SYN3: variants seen among roughly 807,000 people sequenced by gnomAD.
SYN3 encodes the protein synapsin III.
SYN3 carries 35 observed loss-of-function variants against 65.8 expected under a neutral mutation model. The observed-to-expected ratio is 0.53, with a 90% CI of 0.41 to 0.70. SYN3 has a LOEUF of 0.70. Among genes scored for constraint, SYN3 ranks in the 30% least tolerant of loss-of-function variants. The pLI, the probability that SYN3 is intolerant of heterozygous loss-of-function variation, is 0.00. For missense variants in SYN3, 680 were observed against 749.0 expected (o/e 0.91, Z 1.08); for synonymous variants, 270 against 292.9 (o/e 0.92, Z 0.80).
intron 6 of SYN3, among the ~76,000 whole-genome samples, chr22:32,823,284 G>A (rs1177842320): frequency 6.6e-6 from 1 of 152,160 alleles, no homozygotes; most frequent in Non-Finnish European, 1.5e-5. Flanking sequence ...CGGACCTGAC[G>A]CTGGAAATCC....
chr22:32,997,462 G>A (rs1223259514), intron 2 of SYN3, among the ~76,000 whole-genome samples: 3 of 152,046 alleles, frequency 2.0e-5, no homozygotes, highest in African/African-American at 4.8e-5. Flanking sequence ...TTCCTTTTAC[G>A]ACATGAGTCC....
chr22:32,868,444 C>T (rs541716367), intron 5 of SYN3, among the ~76,000 whole-genome samples: 1 of 151,566 alleles, frequency 6.6e-6, no homozygotes, highest in East Asian at 1.9e-4. Flanking sequence ...TTATTTATTA[C>T]AAAACTTTTT....
rs1048530242 is a variant in SYN3 at position 33,044,424 on chromosome 22, A to G, written c.-163+13868T>C. ...CTGTTAATAACTGAGGAGCTGATGA[A>G]TTGCTTCAATCACTTTAGACTCACA... On this transcript the variant is annotated intron_variant, in intron 1 of 13. Coordinates refer to ENST00000358763, the MANE Select transcript of SYN3 (RefSeq NM_003490.4). Among the ~76,000 whole-genome samples the G allele has an allele frequency of 6.6e-5, 10 of 152,240 alleles. 1 individual carries two copies. The Middle Eastern group carries it at 0.01, about 155-fold the overall frequency.
At position 32,668,802 on chromosome 22, in the gene SYN3, T is replaced by C. The variant is rs1236906387; in HGVS notation, c.712-72066A>G. Among the ~76,000 whole-genome samples the C allele has an allele frequency of 4.6e-5, 7 of 152,310 alleles. No individual in the cohort carries two copies. In the East Asian group the frequency reaches 1.4e-3, roughly 29 times the overall value. On this transcript the variant is annotated intron_variant, in intron 6 of 13. Transcript: ENST00000358763. The stretch of plus-strand genomic sequence containing the variant: ...CATTGTCCCCGTGCACTCCTGGACC[T>C]GCCATCTGCCCCATGAAAGGCCCCA...
intron 6 of SYN3, among the ~76,000 whole-genome samples, chr22:32,820,732 A>G (rs1412391195): frequency 6.6e-6 from 1 of 152,078 alleles, no homozygotes; most frequent in Non-Finnish European, 1.5e-5. Context: ...GGGGCTTGGG[A>G]TATGTTTTAG....
chr22:32,566,363 A>T (rs2058672374), intron 7 of SYN3, among the ~76,000 whole-genome samples: 1 of 152,078 alleles, frequency 6.6e-6, no homozygotes. Flanking sequence ...AGATGGAGGG[A>T]TCTGTGGACA....
At chr22:32,860,435 G>A (rs1174977870) in intron 6 of SYN3, 1 of 152,618 alleles carries the variant, frequency 6.6e-6, no homozygotes, top group Non-Finnish European at 1.5e-5. Flanking sequence ...ACAGGACACA[G>A]AATTCTGTTC....
chr22:33,036,678 CTTTTTTTTTTTTTTTTTTT>C (rs133977), intron 1 of SYN3, among the ~76,000 whole-genome samples: 1 of 99,538 alleles, frequency 1.0e-5, no homozygotes, highest in African/African-American at 4.7e-5. Flanking sequence ...AGCCCAAGTT[CTTTTTTTTTTTTTTTTTTT>C]TTTTTTTTTT....
At position 32,739,883 on chromosome 22, in the gene SYN3, C is replaced by T. The variant is rs78461422; in HGVS notation, c.711+125032G>A. On this transcript the variant is annotated intron_variant, in intron 6 of 13. Coordinates refer to ENST00000358763, the MANE Select transcript of SYN3 (RefSeq NM_003490.4). ...AGTGCTCTTTTCATGCTATGAGCCA[C>T]GTCAAGCCCAGAACAAGTGAAGAAT... Among the ~76,000 whole-genome samples, 675 of 152,314 alleles carry T rather than the reference C, an allele frequency of 4.4e-3. 5 individuals are homozygous for T. Among genetic ancestry groups the T allele is most frequent in the Middle Eastern group, 0.014 (4 of 294 alleles).
intron 3 of SYN3, among the ~76,000 whole-genome samples, chr22:32,969,216 A>G (rs2051940810): frequency 1.3e-5 from 2 of 152,294 alleles, no homozygotes; most frequent in African/African-American, 4.8e-5. Flanking sequence ...TCTCCAGTGC[A>G]GGTGCTGAAT....
At chr22:32,879,153 C>T (rs4447) in intron 4 of SYN3, among the ~76,000 whole-genome samples, 134,464 of 152,280 alleles carry the variant, frequency 0.88, 59,422 homozygotes, top group East Asian at 0.89. Flanking sequence ...AGAAACTCTG[C>T]AGCTGCAGTC....
chr22:32,516,020 G>A (rs766572197), intron 13 of SYN3, among the ~76,000 whole-genome samples: 5 of 152,014 alleles, frequency 3.3e-5, no homozygotes, highest in Non-Finnish European at 5.9e-5. Context: ...GGATGGTCTC[G>A]ATCTCCTGAC....
At chr22:32,892,796 T>G (rs1359442636) in intron 4 of SYN3, among the ~76,000 whole-genome samples, 1 of 152,180 alleles carries the variant, frequency 6.6e-6, no homozygotes, top group African/African-American at 2.4e-5. Context: ...TCAGGGAGGC[T>G]GCATGAATGC....
At chr22:32,942,219 A>C (rs2050961847) in intron 3 of SYN3, among the ~76,000 whole-genome samples, 5 of 152,238 alleles carry the variant, frequency 3.3e-5, no homozygotes, top group Admixed American at 3.3e-4. Flanking sequence ...CTGACACCTC[A>C]CACGGCCAGG....
At chr22:32,658,446 G>A (rs1261822615) in intron 6 of SYN3, among the ~76,000 whole-genome samples, 4 of 152,216 alleles carry the variant, frequency 2.6e-5, no homozygotes, top group South Asian at 2.1e-4. Context: ...TTGGGTCAGC[G>A]AGGGACATGC....
chr22:32,650,475 C>A (rs190094508), intron 6 of SYN3, among the ~76,000 whole-genome samples: 1 of 151,852 alleles, frequency 6.6e-6, no homozygotes, highest in Non-Finnish European at 1.5e-5. Context: ...CATGTTGCCC[C>A]GGCTGGTCTC....
chr22:32,820,526 C>A (rs1305286548), intron 6 of SYN3, among the ~76,000 whole-genome samples: 1 of 152,176 alleles, frequency 6.6e-6, no homozygotes. Flanking sequence ...CCCCCTTAAC[C>A]CCATTTACTT....
At chr22:32,716,774 C>T (rs751418478) in intron 6 of SYN3, among the ~76,000 whole-genome samples, 6 of 152,144 alleles carry the variant, frequency 3.9e-5, no homozygotes, top group South Asian at 2.1e-4. Flanking sequence ...CCACCCATCT[C>T]GGCCTTTCAA....
intron 4 of SYN3, among the ~76,000 whole-genome samples, chr22:32,911,337 G>A (rs2050045652): frequency 6.6e-6 from 1 of 152,330 alleles, no homozygotes; most frequent in Admixed American, 6.5e-5. Flanking sequence ...CCAAGCTAGA[G>A]CACAGGTAAG....
Sources: gnomAD v4.1 joint callset for allele counts (sites outside exome capture counted in the v4.1 genomes callset) on GRCh38, gnomAD v4.1.1 for gene constraint, MANE v1.5 for transcripts, NCBI Gene and HGNC (gene_info 2026-07-23, HGNC 2026-07-21) for gene names.